The following DLG2 variants were observed in gnomAD, a reference collection of about 807,000 sequenced individuals.
DLG2 encodes the protein discs large MAGUK scaffold protein 2.
A neutral mutation model predicts 132.5 loss-of-function variants in DLG2; 45 were observed. The ratio of observed to expected loss-of-function variants is 0.34; its 90% CI spans 0.27 to 0.44. The LOEUF is 0.44. Ranked by LOEUF, DLG2 falls within the 20% of genes least tolerant of loss-of-function variation. DLG2 has a pLI of 1.00. For missense variants in DLG2, 1,045 were observed against 1,196.9 expected (o/e 0.87, Z 1.87); for synonymous variants, 424 against 419.6 (o/e 1.01, Z -0.13).
At chr11:85,084,073 G>A (rs2067586249) in intron 6 of DLG2, among the ~76,000 whole-genome samples, 1 of 152,124 alleles carries the variant, frequency 6.6e-6, no homozygotes, top group Non-Finnish European at 1.5e-5. Flanking sequence ...TATGGATTTT[G>A]CTCTAAAAAG....
intron 6 of DLG2, among the ~76,000 whole-genome samples, chr11:84,653,688 C>T (rs1005449684): frequency 1.3e-5 from 2 of 152,098 alleles, no homozygotes; most frequent in Admixed American, 6.5e-5. Flanking sequence ...GTGATAATTC[C>T]ACCAGTATAT....
chr11:84,465,373 G>A (rs1485709981), intron 7 of DLG2, among the ~76,000 whole-genome samples: 1 of 151,108 alleles, frequency 6.6e-6, no homozygotes, highest in African/African-American at 2.4e-5. Flanking sequence ...GCATTTATTT[G>A]CCTCATATCT....
chr11:83,860,027 G>A (rs376047758), intron 16 of DLG2, among the ~76,000 whole-genome samples: 1 of 152,190 alleles, frequency 6.6e-6, no homozygotes, highest in Admixed American at 6.5e-5. Flanking sequence ...TGAGGTTTGG[G>A]AACCTCTGCA....
At chr11:84,589,061 G>C (rs1212858617) in intron 6 of DLG2, among the ~76,000 whole-genome samples, 1 of 152,122 alleles carries the variant, frequency 6.6e-6, no homozygotes, top group African/African-American at 2.4e-5. Flanking sequence ...GTGGGGTCTG[G>C]TAACACTTTC....
At chr11:84,965,544 T>C (rs537329548) in intron 6 of DLG2, among the ~76,000 whole-genome samples, 1 of 152,132 alleles carries the variant, frequency 6.6e-6, no homozygotes, top group East Asian at 1.9e-4. Flanking sequence ...CTAAAAGAAT[T>C]TATAAAATTA....
chr11:85,383,393 C>T (rs2086062165), intron 3 of DLG2, among the ~76,000 whole-genome samples: 1 of 152,122 alleles, frequency 6.6e-6, no homozygotes, highest in Admixed American at 6.6e-5. Flanking sequence ...ATAGCTATAA[C>T]TGCATAACTT....
rs536148734 is a variant in DLG2 at position 84,756,881 on chromosome 11, A to T, written c.358-222150T>A. On this transcript the variant is annotated intron_variant, in intron 6 of 27. Coordinates refer to ENST00000376104, the MANE Select transcript of DLG2 (RefSeq NM_001142699.3). ...CCAAAAGATTGAACACCACTGGTTA[A>T]TTTCCCCTAAACTGGATAAGAAATA... is the stretch of plus-strand genomic sequence containing the variant. 3.3e-5 allele frequency among the ~76,000 whole-genome samples: 5 copies of T among 152,256 alleles called. No individual in the cohort carries two copies. The East Asian group carries it at 9.7e-4, about 29-fold the overall frequency.
At chr11:85,537,180 C>A (rs1233646150) in intron 3 of DLG2, among the ~76,000 whole-genome samples, 1 of 152,150 alleles carries the variant, frequency 6.6e-6, no homozygotes, top group Non-Finnish European at 1.5e-5. Context: ...AGCACTCTGT[C>A]AATATGGACC....
intron 4 of DLG2, among the ~76,000 whole-genome samples, chr11:85,275,806 C>T (rs2077853622): frequency 6.6e-6 from 1 of 151,772 alleles, no homozygotes. Flanking sequence ...AGATATAAAC[C>T]ATATATTCAG....
At position 84,643,252 on chromosome 11, in the gene DLG2, T is replaced by G. The variant is rs1051256633; in HGVS notation, c.358-108521A>C. 2.0e-5 allele frequency among the ~76,000 whole-genome samples: 3 copies of G among 152,266 alleles called. No homozygotes were observed. In the East Asian group the frequency reaches 5.8e-4, roughly 29 times the overall value. ...TGTCCAGGAAGGCCTACTCAGGAAT[T>G]GGGCCCTTTTAGTGAATTTGATGAA... is the stretch of plus-strand genomic sequence containing the variant. On this transcript the variant is annotated intron_variant, in intron 6 of 27. Transcript: ENST00000376104.
rs369651884 is a variant in DLG2 at position 84,251,637 on chromosome 11, C to CTTTTTTTTTTTTTTTTTTTTTT, written c.520-347_520-346insAAAAAAAAAAAAAAAAAAAAAA. Among the ~76,000 whole-genome samples, 2 of 130,040 alleles carry CTTTTTTTTTTTTTTTTTTTTTT rather than the reference C, an allele frequency of 1.5e-5. 1 individual carries two copies. The allele number at this position is 130,040 out of a possible 152,430, so 85.3% of individuals were successfully genotyped here. On this transcript the variant is annotated intron_variant, in intron 7 of 27. Coordinates refer to ENST00000376104, the MANE Select transcript of DLG2 (RefSeq NM_001142699.3). ...GTAAGAGTTAAAACTTGTATCTTTT[C>CTTTTTTTTTTTTTTTTTTTTTT]TTTCTTTTTTTTTTTTTTTTGTGAG... is the stretch of plus-strand genomic sequence containing the variant.
At chr11:84,586,262 T>C (rs77761178) in intron 6 of DLG2, among the ~76,000 whole-genome samples, 1,587 of 152,348 alleles carry the variant, frequency 0.01, 25 homozygotes, top group African/African-American at 0.035. Context: ...TTATTAAATA[T>C]GCATAAATTT....
chr11:85,411,278 A>C (rs2089287711), intron 3 of DLG2, among the ~76,000 whole-genome samples: 1 of 151,876 alleles, frequency 6.6e-6, no homozygotes, highest in African/African-American at 2.4e-5. Flanking sequence ...AAGAGGAAGC[A>C]TAAAATGAGA....
intron 16 of DLG2, among the ~76,000 whole-genome samples, chr11:83,852,926 C>A (rs935164266): frequency 6.6e-6 from 1 of 152,180 alleles, no homozygotes. Context: ...GCCCTTAGAG[C>A]AGAGGTTAGC....
intron 13 of DLG2, among the ~76,000 whole-genome samples, chr11:83,963,970 A>G (rs896601626): frequency 2.0e-5 from 3 of 151,552 alleles, no homozygotes; most frequent in African/African-American, 7.3e-5. Flanking sequence ...ATTTATATTC[A>G]CCTCTCCCAT....
At position 85,173,951 on chromosome 11, in the gene DLG2, G is replaced by A. The variant is rs897261329; in HGVS notation, c.187-19300C>T. ...CCTGAATATACATGGACCAAATATA[G>A]GAGCACCCAAATTCATGAAGAAAGT... On this transcript the variant is annotated intron_variant, in intron 4 of 27. Coordinates refer to ENST00000376104, the MANE Select transcript of DLG2 (RefSeq NM_001142699.3). 6.6e-5 allele frequency among the ~76,000 whole-genome samples: 10 copies of A among 152,232 alleles called. 1 individual carries two copies. The highest frequency in any genetic ancestry group is 6.2e-4 in the South Asian group (3 of 4,826).
At chr11:85,317,474 TA>T (rs1288890108) in intron 3 of DLG2, among the ~76,000 whole-genome samples, 3 of 151,818 alleles carry the variant, frequency 2.0e-5, no homozygotes, top group African/African-American at 7.3e-5. Flanking sequence ...AAAAGAAAAT[TA>T]AAGAATATGC....
intron 18 of DLG2, chr11:83,720,942 G>A (rs2088365111): frequency 6.6e-6 from 1 of 152,050 alleles, no homozygotes; most frequent in South Asian, 2.1e-4. Context: ...AGCTCTTTGA[G>A]TATCTGGGGG....
intron 7 of DLG2, among the ~76,000 whole-genome samples, chr11:84,464,800 A>G (rs1158532355): frequency 6.6e-6 from 1 of 151,260 alleles, no homozygotes; most frequent in Non-Finnish European, 1.5e-5. Context: ...ACATGTATAT[A>G]GATATACACA....
Sources: gnomAD v4.1 joint callset for allele counts (sites outside exome capture counted in the v4.1 genomes callset) on GRCh38, gnomAD v4.1.1 for gene constraint, MANE v1.5 for transcripts, NCBI Gene and HGNC (gene_info 2026-07-23, HGNC 2026-07-21) for gene names.